Variants in ADRA1A observed in about 807,000 individuals in gnomAD.
The protein encoded by ADRA1A is adrenoceptor alpha 1A.
Under a neutral mutation model 29.6 loss-of-function variants are expected in ADRA1A, and 31 were observed. The ratio of observed to expected loss-of-function variants is 1.05; its 90% CI spans 0.79 to 1.41. The LOEUF is 1.41. Among genes scored for constraint, ADRA1A ranks in the 40% most tolerant of loss-of-function variants. The pLI is 0.00. For synonymous variants in ADRA1A, 311 were observed against 254.3 expected, an observed-to-expected ratio of 1.22 and a Z score of -2.12; for missense variants, 619 against 601.1, an observed-to-expected ratio of 1.03 and a Z score of -0.31.
intron 2 of ADRA1A, among the ~76,000 whole-genome samples, chr8:26,830,762 T>TGA (rs1810918331): frequency 6.6e-6 from 1 of 152,198 alleles, no homozygotes; most frequent in South Asian, 2.1e-4. Context: ...TGATTCAAGT[T>TGA]CTACCAGAGT....
chr8:26,855,470 G>C (rs1158483850), intron 2 of ADRA1A, among the ~76,000 whole-genome samples: 2 of 150,136 alleles, frequency 1.3e-5, no homozygotes, highest in Non-Finnish European at 3.0e-5. Flanking sequence ...GCACAGATAG[G>C]AAATTTCACA....
At position 26,750,937 on chromosome 8, in the gene ADRA1A, C is replaced by T. The variant is rs183097158; in HGVS notation, c.1270-2189G>A. Among the ~76,000 whole-genome samples, 984 of 152,172 alleles carry T rather than the reference C, an allele frequency of 6.5e-3. 7 individuals carry two copies. Among genetic ancestry groups the T allele is most frequent in the Middle Eastern group, 0.024 (7 of 294 alleles). ...ATACAAAATTAGCCAGGTGCGGTGG[C>T]GCATGCCTGTAATCCCAGCTACTCC... On this transcript the variant is annotated intron_variant, in intron 2 of 2. Coordinates refer to the ADRA1A transcript ENST00000380586.
intron 2 of ADRA1A, among the ~76,000 whole-genome samples, chr8:26,817,326 C>G (rs1462488439): frequency 1.3e-5 from 2 of 152,046 alleles, no homozygotes; most frequent in African/African-American, 4.8e-5. Flanking sequence ...AAAACTAAAG[C>G]AACAATGAGA....
intron 2 of ADRA1A, among the ~76,000 whole-genome samples, chr8:26,857,356 C>T (rs921759968): frequency 1.1e-4 from 17 of 152,074 alleles, no homozygotes; most frequent in African/African-American, 3.9e-4. Context: ...GTAACTGAAA[C>T]GCTGGCTTCT....
At chr8:26,757,955 A>C (rs555355767) in intron 2 of ADRA1A, among the ~76,000 whole-genome samples, 1 of 152,166 alleles carries the variant, frequency 6.6e-6, no homozygotes, top group South Asian at 2.1e-4. Context: ...TATACTTTCT[A>C]TTGCTAAGTA....
intron 2 of ADRA1A, among the ~76,000 whole-genome samples, chr8:26,798,599 A>G (rs1331673769): frequency 2.0e-5 from 3 of 152,162 alleles, no homozygotes; most frequent in Non-Finnish European, 4.4e-5. Flanking sequence ...ATGCATGTGC[A>G]TGGGAAGCCA....
intron 2 of ADRA1A, among the ~76,000 whole-genome samples, chr8:26,857,509 T>C (rs1447547962): frequency 6.6e-6 from 1 of 151,902 alleles, no homozygotes; most frequent in Non-Finnish European, 1.5e-5. Flanking sequence ...TCTATAAAAA[T>C]AAAATATAAA....
At chr8:26,835,973 A>C (rs1585797215) in intron 2 of ADRA1A, 1 of 164,026 alleles carries the variant, frequency 6.1e-6, no homozygotes, top group Non-Finnish European at 1.4e-5. Context: ...GGTAAGATGC[A>C]GCCAGTTCAG....
At chr8:26,765,790 T>G (rs530247677), downstream of ADRA1A, 3 of 1,258,492 alleles carry the variant, frequency 2.4e-6, no homozygotes, top group African/African-American at 4.5e-5. Context: ...CCAAAGGACC[T>G]GAGCAGACCA....
At chr8:26,755,739 G>C (rs191310647), downstream of ADRA1A, among the ~76,000 whole-genome samples, 5 of 152,294 alleles carry the variant, frequency 3.3e-5, no homozygotes, top group African/African-American at 9.6e-5. Flanking sequence ...GGAGGGCAAG[G>C]ACTATGTCTC....
At chr8:26,757,665 C>T (rs1350439200) in intron 2 of ADRA1A, among the ~76,000 whole-genome samples, 1 of 152,138 alleles carries the variant, frequency 6.6e-6, no homozygotes, top group Non-Finnish European at 1.5e-5. Flanking sequence ...GAAGTCAAAA[C>T]GACCTCTGTT....
At chr8:26,758,756 T>A (rs1337107865) in intron 2 of ADRA1A, among the ~76,000 whole-genome samples, 1 of 152,150 alleles carries the variant, frequency 6.6e-6, no homozygotes, top group African/African-American at 2.4e-5. Context: ...TTTAGCAAGC[T>A]AAGAGGTGAG....
chr8:26,802,081 A>G (rs1351300904), intron 2 of ADRA1A, among the ~76,000 whole-genome samples: 3 of 152,234 alleles, frequency 2.0e-5, no homozygotes, highest in Non-Finnish European at 2.9e-5. Context: ...CTTGCAATAT[A>G]CAAAAATCAA....
intron 2 of ADRA1A, among the ~76,000 whole-genome samples, chr8:26,759,358 A>G (rs145101296): frequency 6.6e-6 from 1 of 152,232 alleles, no homozygotes; most frequent in Non-Finnish European, 1.5e-5. Flanking sequence ...ATTACTTCCC[A>G]ATAAAAGTAT....
rs1164504389 is a variant in ADRA1A, at chr8:26,769,071, T to G, written c.*1078A>C. ...AATGTACTTGGATCATAAGGCTCAT[T>G]CCAACATGCCACAGGTGAAGCTCAT... On this transcript the variant is annotated 3_prime_UTR_variant, in exon 3 of 3. Transcript: ENST00000380573. The G allele has an allele frequency of 2.0e-6, 2 of 985,308 alleles. No homozygotes were observed. Among genetic ancestry groups the G allele is most frequent in the Non-Finnish European group, 2.4e-6 (2 of 829,926 alleles). The allele number at this position is 985,308 out of a possible 1,614,324, so 61.0% of individuals were successfully genotyped here. A position where few individuals can be genotyped will look rare whatever the true frequency, so the allele number is the denominator to read the frequency against.
chr8:26,770,694 T>TA (rs1563238727), intron 2 of ADRA1A, 28 bp from the exon 3 acceptor site: 3 of 1,560,576 alleles, frequency 1.9e-6, no homozygotes, highest in South Asian at 2.4e-5. Flanking sequence ...GATTTATACA[T>TA]ATTATTTGAA....
intron 2 of ADRA1A, among the ~76,000 whole-genome samples, chr8:26,833,555 G>T (rs769888553): frequency 2.8e-4 from 43 of 152,230 alleles, no homozygotes; most frequent in Non-Finnish European, 5.6e-4. Context: ...AAGAAGCTCA[G>T]CAATGACTCA....
At chr8:26,829,433 CA>C (rs1204097188) in intron 2 of ADRA1A, among the ~76,000 whole-genome samples, 2 of 152,026 alleles carry the variant, frequency 1.3e-5, no homozygotes, top group Non-Finnish European at 2.9e-5. Flanking sequence ...AAAGATATGG[CA>C]AAGATCCCAA....
intron 2 of ADRA1A, 147 bp downstream of exon 2, chr8:26,863,940 C>A: frequency 2.5e-6 from 2 of 813,040 alleles, no homozygotes; most frequent in Non-Finnish European, 1.9e-6. Context: ...CACTTTTCTA[C>A]AAGGGAGCCT....
Sources: allele counts gnomAD v4.1 joint callset (sites outside exome capture counted in the v4.1 genomes callset), GRCh38; gene constraint gnomAD v4.1.1; transcripts MANE v1.5; gene names NCBI Gene and HGNC (gene_info 2026-07-23, HGNC 2026-07-21).